The following OLFM3 variants were observed in gnomAD, a reference collection of about 807,000 sequenced individuals.
OLFM3 encodes the protein olfactomedin 3.
A neutral mutation model predicts 48.6 loss-of-function variants in OLFM3; 20 were observed. That is an observed-to-expected ratio of 0.41 (90% CI 0.29 to 0.60). OLFM3 has a LOEUF of 0.60. Among genes scored for constraint, OLFM3 ranks in the 20% least tolerant of loss-of-function variants. The pLI is 0.28. For missense variants in OLFM3, 437 were observed against 544.3 expected (o/e 0.80, Z 1.96); for synonymous variants, 222 against 198.1 (o/e 1.12, Z -1.01).
At chr1:101,845,251 A>T (rs1655939363) in intron 1 of OLFM3, among the ~76,000 whole-genome samples, 1 of 152,088 alleles carries the variant, frequency 6.6e-6, no homozygotes, top group Admixed American at 6.5e-5. Context: ...ATATACAGAC[A>T]TACAGCAATG....
At chr1:101,950,684 T>C (rs941868019) in intron 1 of OLFM3, among the ~76,000 whole-genome samples, 34 of 152,192 alleles carry the variant, frequency 2.2e-4, no homozygotes, top group African/African-American at 8.2e-4. Context: ...GACCTCGTGA[T>C]CCACCCGCCT....
At chr1:101,852,862 G>A (rs1006927193) in intron 1 of OLFM3, among the ~76,000 whole-genome samples, 1 of 151,994 alleles carries the variant, frequency 6.6e-6, no homozygotes, top group Non-Finnish European at 1.5e-5. Context: ...TATCAATTCA[G>A]TCAGCTAGTG....
At chr1:101,972,504 G>C (rs1304690347) in intron 1 of OLFM3, among the ~76,000 whole-genome samples, 1 of 152,108 alleles carries the variant, frequency 6.6e-6, no homozygotes, top group Non-Finnish European at 1.5e-5. Flanking sequence ...TAGACTTTAG[G>C]ATGTTGGTTT....
intron 1 of OLFM3, among the ~76,000 whole-genome samples, chr1:101,905,487 A>G (rs761959756): frequency 2.0e-5 from 3 of 152,260 alleles, no homozygotes; most frequent in Non-Finnish European, 4.4e-5. Flanking sequence ...GAGTTGTTCT[A>G]CTTTAGATCT....
intron 1 of OLFM3, among the ~76,000 whole-genome samples, chr1:101,919,808 TTAA>T (rs1267665460): frequency 1.9e-4 from 29 of 152,144 alleles, no homozygotes; most frequent in Admixed American, 1.9e-3. Flanking sequence ...AACTCCCTAT[TTAA>T]TATGTCCAGT....
intron 1 of OLFM3, among the ~76,000 whole-genome samples, chr1:101,882,194 T>C (rs575514631): frequency 7.7e-4 from 117 of 151,242 alleles, no homozygotes; most frequent in South Asian, 4.2e-3. Context: ...AATGGTGTTT[T>C]GGAAAACTAC....
At chr1:101,982,720 T>G (rs1248235437) in intron 1 of OLFM3, among the ~76,000 whole-genome samples, 3 of 152,214 alleles carry the variant, frequency 2.0e-5, no homozygotes, top group Admixed American at 6.5e-5. Flanking sequence ...ATCCCTTTTT[T>G]CCTGCATTCA....
At chr1:101,991,561 A>G (rs1046439717) in intron 1 of OLFM3, among the ~76,000 whole-genome samples, 1 of 152,004 alleles carries the variant, frequency 6.6e-6, no homozygotes, top group African/African-American at 2.4e-5. Context: ...GCTACGTTTT[A>G]TATGTAGCCT....
At chr1:101,930,238 T>A (rs1659404205) in intron 1 of OLFM3, among the ~76,000 whole-genome samples, 1 of 152,184 alleles carries the variant, frequency 6.6e-6, no homozygotes, top group South Asian at 2.1e-4. Flanking sequence ...TAATGTGCTG[T>A]CCTATCCTTA....
At chr1:101,877,874 T>C (rs1008733660) in intron 1 of OLFM3, among the ~76,000 whole-genome samples, 1 of 151,894 alleles carries the variant, frequency 6.6e-6, no homozygotes, top group African/African-American at 2.4e-5. Context: ...ATCATTGTAA[T>C]AAAGCCTTAG....
At chr1:101,864,137 T>C (rs1383044879) in intron 1 of OLFM3, among the ~76,000 whole-genome samples, 1 of 152,194 alleles carries the variant, frequency 6.6e-6, no homozygotes, top group Non-Finnish European at 1.5e-5. Flanking sequence ...TTAGCTCATA[T>C]GCAATTGGTT....
intron 2 of OLFM3, among the ~76,000 whole-genome samples, chr1:101,835,920 A>G (rs1236793436): frequency 6.6e-6 from 1 of 152,232 alleles, no homozygotes; most frequent in Non-Finnish European, 1.5e-5. Flanking sequence ...GAAAGTCACC[A>G]TGGCAGCCTG....
intron 1 of OLFM3, among the ~76,000 whole-genome samples, chr1:101,856,909 G>A (rs1656446467): frequency 6.6e-6 from 1 of 151,996 alleles, no homozygotes; most frequent in Non-Finnish European, 1.5e-5. Flanking sequence ...AGGAGAAAAA[G>A]AAGAGGGAAT....
At chr1:101,973,314 A>G (rs570950838) in intron 1 of OLFM3, among the ~76,000 whole-genome samples, 3 of 152,326 alleles carry the variant, frequency 2.0e-5, no homozygotes, top group African/African-American at 7.2e-5. Flanking sequence ...TTCCATGTCC[A>G]ATGTCTGAGG....
intron 1 of OLFM3, among the ~76,000 whole-genome samples, chr1:101,994,520 A>T (rs1363024008): frequency 6.7e-6 from 1 of 149,850 alleles, no homozygotes; most frequent in Non-Finnish European, 1.5e-5. Context: ...TTCTTAGTTT[A>T]TAACCTAATT....
At chr1:101,883,969 C>T (rs1657641142) in intron 1 of OLFM3, among the ~76,000 whole-genome samples, 1 of 151,598 alleles carries the variant, frequency 6.6e-6, no homozygotes, top group Non-Finnish European at 1.5e-5. Context: ...TATTGATTCT[C>T]ATCTTTTAAG....
chr1:101,803,657 T>C lies in OLFM3; in HGVS notation c.*581A>G, dbSNP rs1426729867. ...TACAATAGCACAATGGTGGTTACAA[T>C]GGTAGAAATACATACTGCCAATAAA... is the stretch of plus-strand genomic sequence containing the variant. On this transcript the variant is annotated 3_prime_UTR_variant, in exon 6 of 6. Transcript: ENST00000370103. 6.6e-6 allele frequency: 1 copy of C among 152,232 alleles called. No individual in the cohort carries two copies. The highest frequency in any genetic ancestry group is 1.5e-5 in the Non-Finnish European group (1 of 67,820). 9.4% of individuals were successfully genotyped at this position (152,232 alleles called of 1,614,324 possible). A position where few individuals can be genotyped will look rare whatever the true frequency, so the allele number is the denominator to read the frequency against.
chr1:101,909,825 T>G (rs932102289), intron 1 of OLFM3, among the ~76,000 whole-genome samples: 1 of 152,154 alleles, frequency 6.6e-6, no homozygotes, highest in Non-Finnish European at 1.5e-5. Flanking sequence ...TAATTGCTTT[T>G]GGGGACATTA....
At chr1:101,833,612 G>A (rs1202317262) in intron 2 of OLFM3, among the ~76,000 whole-genome samples, 1 of 152,090 alleles carries the variant, frequency 6.6e-6, no homozygotes, top group Non-Finnish European at 1.5e-5. Context: ...GCCCTTCCTG[G>A]ATAATTCTTT....
Sources: allele counts gnomAD v4.1 joint callset (sites outside exome capture counted in the v4.1 genomes callset), GRCh38; gene constraint gnomAD v4.1.1; transcripts MANE v1.5; gene names NCBI Gene and HGNC (gene_info 2026-07-23, HGNC 2026-07-21).